The following SGSM1 variants were observed in gnomAD, a reference collection of about 807,000 sequenced individuals.
SGSM1 encodes the protein small G protein signaling modulator 1.
Under a neutral mutation model 133.8 loss-of-function variants are expected in SGSM1, and 73 were observed. That is an observed-to-expected ratio of 0.55 (90% CI 0.45 to 0.66). The LOEUF is 0.66. SGSM1 is among the 30% of genes least tolerant of loss of function. The pLI is 0.00. For synonymous variants in SGSM1, 563 were observed against 573.0 expected (o/e 0.98, Z 0.25); for missense variants, 1,213 against 1,448.1 (o/e 0.84, Z 2.64).
At chr22:24,815,556 C>T (rs1264833860) in intron 2 of SGSM1, among the ~76,000 whole-genome samples, 1 of 152,142 alleles carries the variant, frequency 6.6e-6, no homozygotes, top group African/African-American at 2.4e-5. Flanking sequence ...TCCTGGATAA[C>T]ATGGTGAAAC....
Position 24,893,190 on chromosome 22 carries a change from A to G in SGSM1, c.1771-241A>G, listed in dbSNP as rs1243125687. ...GACTCAATGAATAGTTGAAATTTAT[A>G]TATGTATGCATGAATGAATAAAGGA... On this transcript the variant is annotated intron_variant, in intron 16 of 24. Coordinates refer to ENST00000400358, the MANE Select transcript of SGSM1 (RefSeq NM_001098497.3). 3.9e-5 allele frequency among the ~76,000 whole-genome samples: 6 copies of G among 152,226 alleles called. No individual in the cohort carries two copies. In the East Asian group the frequency reaches 5.8e-4, roughly 15 times the overall value.
chr22:24,807,627 C>T (rs983388181), intron 2 of SGSM1, among the ~76,000 whole-genome samples: 3 of 152,132 alleles, frequency 2.0e-5, no homozygotes, highest in South Asian at 2.1e-4. Context: ...CACTTTTGAA[C>T]CTTATCAGCG....
rs1170851821 is a variant in SGSM1 at position 24,893,478 on chromosome 22, G to T, written c.1818G>T (p.Trp606Cys). ...HACYAQTMAE[W>C]LGCEAIVRQR... is the part of the protein sequence containing the mutation. The stretch of plus-strand genomic sequence containing the variant: ...GCTATGCACAGACCATGGCTGAGTG[G>T]CTGGGCTGCGAGGCGATCGTGCGGC... The change falls in exon 17 of 25, where the codon TGG becomes TGT. Residue 606 changes from tryptophan (W) to cysteine (C), a missense_variant. Coordinates refer to ENST00000400358, the MANE Select transcript of SGSM1 (RefSeq NM_001098497.3). 1 of 1,613,806 alleles carries T rather than the reference G, an allele frequency of 6.2e-7. No individual in the cohort carries two copies. Among genetic ancestry groups the T allele is most frequent in the Non-Finnish European group, 8.5e-7 (1 of 1,179,862 alleles).
At position 24,912,769 on chromosome 22, in the gene SGSM1, A is replaced by G. The variant is rs1285863130; in HGVS notation, c.2928+17A>G. 6.3e-7 allele frequency: 1 copy of G among 1,590,318 alleles called. No homozygotes were observed. Among genetic ancestry groups the G allele is most frequent in the African/African-American group, 1.3e-5 (1 of 74,466 alleles). On this transcript the variant is annotated intron_variant, in intron 22 of 24. Coordinates refer to ENST00000400358, the MANE Select transcript of SGSM1 (RefSeq NM_001098497.3). ...TTGATCCAGGTATGACCCAGCATCC[A>G]TTCTTGCTTTGGACTTTTTTGGGAA...
intron 5 of SGSM1, among the ~76,000 whole-genome samples, chr22:24,851,116 AAAAG>A (rs1930437463): frequency 1.3e-5 from 2 of 151,480 alleles, no homozygotes; most frequent in Non-Finnish European, 2.9e-5. Flanking sequence ...AAAAAAAAAA[AAAAG>A]AAAAAAAGAA....
At chr22:24,815,648 GGTA>G (rs1928022541) in intron 2 of SGSM1, among the ~76,000 whole-genome samples, 1 of 152,236 alleles carries the variant, frequency 6.6e-6, no homozygotes, top group African/African-American at 2.4e-5. Context: ...AGGAGGCTGA[GGTA>G]GGAGAATGGC....
At position 24,894,135 on chromosome 22, in the gene SGSM1, G is replaced by A. The variant is rs148061558; in HGVS notation, c.1953+522G>A. Reference sequence around the variant, plus strand: ...CTCACCACCCTTGACTGAGGGTGGTGGCTCACGCCTGTAATCCCAGTACTT... The same window carrying A: ...CTCACCACCCTTGACTGAGGGTGGTAGCTCACGCCTGTAATCCCAGTACTT... On this transcript the variant is annotated intron_variant, in intron 17 of 24. Coordinates refer to ENST00000400358, the MANE Select transcript of SGSM1 (RefSeq NM_001098497.3). Among the ~76,000 whole-genome samples the A allele has an allele frequency of 1.1e-4, 17 of 152,326 alleles. No individual in the cohort carries two copies. The East Asian group carries it at 2.5e-3, about 22-fold the overall frequency.
At chr22:24,872,253 C>T (rs987698952) in intron 12 of SGSM1, among the ~76,000 whole-genome samples, 2 of 152,156 alleles carry the variant, frequency 1.3e-5, no homozygotes, top group African/African-American at 2.4e-5. Flanking sequence ...GACCTGTCTC[C>T]GCTGGGTTCT....
chr22:24,853,859 C>T (rs919549379), intron 5 of SGSM1, among the ~76,000 whole-genome samples: 4 of 146,094 alleles, frequency 2.7e-5, no homozygotes, highest in Admixed American at 6.8e-5. Context: ...CCTCATGATC[C>T]GCCCACCTTG....
At chr22:24,840,920 G>A (rs976212237) in intron 2 of SGSM1, among the ~76,000 whole-genome samples, 5 of 151,988 alleles carry the variant, frequency 3.3e-5, no homozygotes, top group South Asian at 4.2e-4. Context: ...GCGCTATCTC[G>A]GCTCACTGCA....
chr22:24,847,979 C>G (rs896096357), intron 4 of SGSM1, among the ~76,000 whole-genome samples, 183 bp downstream of exon 4: 13 of 151,434 alleles, frequency 8.6e-5, no homozygotes, highest in African/African-American at 3.2e-4. Flanking sequence ...CCAGACTCAC[C>G]CATCTGATCG....
chr22:24,818,330 T>C (rs993902532), intron 2 of SGSM1, among the ~76,000 whole-genome samples: 1 of 152,110 alleles, frequency 6.6e-6, no homozygotes, highest in Admixed American at 6.6e-5. Flanking sequence ...CAGAAGCTCT[T>C]CCTCCTAATA....
rs1405212691 is a variant in SGSM1, at chr22:24,927,433, G to A, written c.*3159G>A. On this transcript the variant is annotated 3_prime_UTR_variant, in exon 25 of 25. Coordinates refer to ENST00000400358, the MANE Select transcript of SGSM1 (RefSeq NM_001098497.3). ...GACTCAGCCCAGCTTCATAGGGTAGGGAAATAGACTGTACTTCCTGATGAG... is the reference window on the plus strand; with the variant it reads ...GACTCAGCCCAGCTTCATAGGGTAGAGAAATAGACTGTACTTCCTGATGAG... 6.6e-6 allele frequency: 1 copy of A among 152,186 alleles called. No individual in the cohort carries two copies. Among genetic ancestry groups the A allele is most frequent in the African/African-American group, 2.4e-5 (1 of 41,446 alleles). 9.4% of individuals were successfully genotyped at this position (152,186 alleles called of 1,614,324 possible). A position where few individuals can be genotyped will look rare whatever the true frequency, so the allele number is the denominator to read the frequency against.
At chr22:24,809,074 G>A (rs1927581788) in intron 2 of SGSM1, among the ~76,000 whole-genome samples, 1 of 152,152 alleles carries the variant, frequency 6.6e-6, no homozygotes, top group South Asian at 2.1e-4. Context: ...AACAGGTTCC[G>A]TTCTTCTGTC....
In SGSM1 at chr22:24,868,449, C is replaced by T. The variant is rs371807192; in HGVS notation, c.1068C>T (p.Gly356=). 2.8e-5 allele frequency: 45 copies of T among 1,613,894 alleles called. No individual in the cohort carries two copies. In the Middle Eastern group the frequency reaches 4.9e-4, roughly 18 times the overall value. The stretch of plus-strand genomic sequence containing the variant: ...GGCCGCCCTTCCGCTTCCCCAAGGG[C>T]GGGCACCTCCTGCAGTTCCTCTCGT... ...IQRPPFRFPK[G]GHLLQFLSCL... The change falls in exon 11 of 25, where the codon GGC becomes GGT. Residue 356 remains glycine (G), a synonymous_variant. Transcript: ENST00000400358.
Position 24,868,640 on chromosome 22 carries a change from G to T in SGSM1, c.1159-83G>T, listed in dbSNP as rs1016152553. 13 of 1,609,174 alleles carry T rather than the reference G, an allele frequency of 8.1e-6. No homozygotes were observed. The East Asian group carries it at 2.7e-4, about 33-fold the overall frequency. ...CTTATGTGGCTATGTGGCCTCATGC[G>T]CTCTCCACTGATACCCTCAGACTAA... On this transcript the variant is annotated intron_variant, in intron 11 of 24. Transcript: ENST00000400358.
chr22:24,870,496 G>C lies in SGSM1; in HGVS notation c.1291+1641G>C, dbSNP rs536815264. Among the ~76,000 whole-genome samples the C allele has an allele frequency of 5.3e-5, 8 of 152,310 alleles. No individual in the cohort carries two copies. In the East Asian group the frequency reaches 1.5e-3, roughly 29 times the overall value. On this transcript the variant is annotated intron_variant, in intron 12 of 24. Coordinates refer to ENST00000400358, the MANE Select transcript of SGSM1 (RefSeq NM_001098497.3). The stretch of plus-strand genomic sequence containing the variant: ...CCGCTGGGAGCTAGGCAGAGTGCTG[G>C]GTGTTTAATTTATTTGGAGATTCTC...
In SGSM1 at chr22:24,926,451, G is replaced by T. The variant is rs1934208825; in HGVS notation, c.*2177G>T. 2 of 145,210 alleles carry T rather than the reference G, an allele frequency of 1.4e-5. No individual in the cohort carries two copies. The highest frequency in any genetic ancestry group is 2.4e-5 in the African/African-American group (1 of 41,002). The allele number at this position is 145,210 out of a possible 1,614,324, so 9.0% of individuals were successfully genotyped here. On this transcript the variant is annotated 3_prime_UTR_variant, in exon 25 of 25. Transcript: ENST00000400358. Reference sequence around the variant, plus strand: ...CAAGACAGGAAGAAATGTGCAAAAGGCCCCTCCGGAGAAAACTATTTTGCC... The same window carrying T: ...CAAGACAGGAAGAAATGTGCAAAAGTCCCCTCCGGAGAAAACTATTTTGCC...
chr22:24,874,409 C>T (rs1931919789), intron 12 of SGSM1: 1 of 1,605,066 alleles, frequency 6.2e-7, no homozygotes, highest in Non-Finnish European at 8.5e-7. Context: ...TGTTTTGTGT[C>T]TCAAGTTGCC....
Sources: allele counts gnomAD v4.1 joint callset (sites outside exome capture counted in the v4.1 genomes callset), GRCh38; gene constraint gnomAD v4.1.1; transcripts MANE v1.5; gene names NCBI Gene and HGNC (gene_info 2026-07-23, HGNC 2026-07-21).